KNTC1: variants seen among roughly 807,000 people sequenced by gnomAD.
KNTC1 encodes the protein kinetochore associated 1.
Under a neutral mutation model 314.4 loss-of-function variants are expected in KNTC1, and 253 were observed. That is an observed-to-expected ratio of 0.80 (90% confidence interval 0.73 to 0.89). KNTC1 has a LOEUF of 0.89. Among genes scored for constraint, KNTC1 ranks in the 40% least tolerant of loss-of-function variants. The pLI, the probability that KNTC1 is intolerant of heterozygous loss-of-function variation, is 0.00. For missense variants in KNTC1, 2,475 were observed against 2,572.9 expected (o/e 0.96, Z 0.82); for synonymous variants, 901 against 901.4 (o/e 1.00, Z 0.01).
At chr12:122,593,185 GT>G (rs1194742846) in intron 42 of KNTC1, 1 of 183,772 alleles carries the variant, frequency 5.4e-6, no homozygotes, top group Non-Finnish European at 1.1e-5. Context: ...CATTCTTGAA[GT>G]CAGTGAGACC....
At chr12:122,606,904 A>G (rs1282868932) in intron 51 of KNTC1, among the ~76,000 whole-genome samples, 1 of 152,168 alleles carries the variant, frequency 6.6e-6, no homozygotes. Context: ...CCATAATATA[A>G]TTATCAAAAT....
At chr12:122,594,674 G>A (rs1055266378) in intron 43 of KNTC1, among the ~76,000 whole-genome samples, 3 of 152,178 alleles carry the variant, frequency 2.0e-5, no homozygotes, top group Non-Finnish European at 2.9e-5. Context: ...CAGTGGGTCT[G>A]GACCAAGGCC....
intron 42 of KNTC1, 193 bp from the exon 43 acceptor site, chr12:122,594,080 AGAG>A: frequency 1.8e-6 from 1 of 543,742 alleles, no homozygotes; most frequent in East Asian, 3.0e-5. Context: ...AGGATGACTA[AGAG>A]GAGTTTCGGA....
chr12:122,590,682 G>GA lies in KNTC1; in HGVS notation c.4079dup (p.Asn1360LysfsTer8). The GA allele has an allele frequency of 6.2e-7, 1 of 1,613,652 alleles. No individual in the cohort carries two copies. Among genetic ancestry groups the GA allele is most frequent in the Non-Finnish European group, 8.5e-7 (1 of 1,179,726 alleles). ...TCTCTTACCTCAAAAAGATGTGTTT[G>GA]AAAATCTCTGGAAGCTCATAGATAA... is the stretch of plus-strand genomic sequence containing the variant. On this transcript the variant is annotated frameshift_variant, in exon 41 of 64. Transcript: ENST00000333479.
intron 20 of KNTC1, among the ~76,000 whole-genome samples, chr12:122,563,980 T>G (rs1273474101): frequency 6.6e-6 from 1 of 152,160 alleles, no homozygotes; most frequent in African/African-American, 2.4e-5. Context: ...GGTTCAATGT[T>G]TTTTATATAT....
chr12:122,540,799 A>T (rs550695997), intron 5 of KNTC1, among the ~76,000 whole-genome samples: 3 of 152,202 alleles, frequency 2.0e-5, no homozygotes, highest in Non-Finnish European at 4.4e-5. Context: ...GAAGTTAACA[A>T]TGTTTTTGCA....
At chr12:122,577,840 A>G (rs772560671) in intron 31 of KNTC1, 49 bp downstream of exon 31, 3 of 1,515,682 alleles carry the variant, frequency 2.0e-6, no homozygotes, top group Admixed American at 1.8e-5. Context: ...TTTTATGGCT[A>G]TTAATCAATA....
chr12:122,554,025 TA>T (rs1370854701), intron 16 of KNTC1, among the ~76,000 whole-genome samples: 4 of 145,758 alleles, frequency 2.7e-5, no homozygotes, highest in African/African-American at 1.0e-4. Context: ...GTGCTTGTTT[TA>T]AAAAATATAA....
chr12:122,566,566 C>T (rs903052044), intron 20 of KNTC1, among the ~76,000 whole-genome samples: 3 of 151,816 alleles, frequency 2.0e-5, no homozygotes, highest in Non-Finnish European at 4.4e-5. Flanking sequence ...TGCAACACTA[C>T]GTCTGGCTAA....
At chr12:122,609,587 G>C (rs573880686) in intron 52 of KNTC1, among the ~76,000 whole-genome samples, 157 bp downstream of exon 52, 1 of 152,078 alleles carries the variant, frequency 6.6e-6, no homozygotes, top group South Asian at 2.1e-4. Flanking sequence ...GTGGCTAGGA[G>C]TCTGCAGTGG....
rs527238190 is a variant in KNTC1 at position 122,557,558 on chromosome 12, C to T, written c.1399-42C>T. On this transcript the variant is annotated intron_variant, in intron 17 of 63. Coordinates refer to ENST00000333479, the MANE Select transcript of KNTC1 (RefSeq NM_014708.6). ...ACAGTATTTAGATTGACGTGTTGAT[C>T]AACATTAGGTTGCCTTACTGTGTCT... The T allele has an allele frequency of 2.4e-5, 39 of 1,611,042 alleles. No individual in the cohort carries two copies. The East Asian group carries it at 8.5e-4, about 35-fold the overall frequency.
intron 60 of KNTC1, 135 bp downstream of exon 60, chr12:122,620,743 T>C (rs1233213417): frequency 2.2e-6 from 2 of 905,864 alleles, no homozygotes; most frequent in Admixed American, 5.6e-5. Context: ...GAAGCTTGTA[T>C]GGGGGCTTAG....
chr12:122,613,875 C>T (rs1176173441), intron 55 of KNTC1, 114 bp downstream of exon 55: 14 of 1,133,304 alleles, frequency 1.2e-5, no homozygotes, highest in African/African-American at 1.6e-5. Flanking sequence ...GAGTTTTGCT[C>T]TGTTGCCCAG....
rs559094438 is a variant in KNTC1, at chr12:122,549,886, A to T, written c.1086+22A>T. The T allele has an allele frequency of 2.5e-5, 34 of 1,333,750 alleles. No homozygotes were observed. The South Asian group carries it at 4.3e-4, about 17-fold the overall frequency. 82.6% of individuals were successfully genotyped at this position (1,333,750 alleles called of 1,614,324 possible). Reference sequence around the variant, plus strand: ...CACAGTAAGTTTATTTGCATTTTAAAGTATTCTTTTAACTACTTTTTTCTT... The same window carrying T: ...CACAGTAAGTTTATTTGCATTTTAATGTATTCTTTTAACTACTTTTTTCTT... On this transcript the variant is annotated intron_variant, in intron 13 of 63. Coordinates refer to ENST00000333479, the MANE Select transcript of KNTC1 (RefSeq NM_014708.6).
chr12:122,571,132 A>C lies in KNTC1; in HGVS notation c.2019+6A>C. ...CCTGGCATTGGATTTCCTTGGTATG[A>C]TGTGAGAATGGATTTTTAGTAATGA... On this transcript the variant is annotated splice_donor_region_variant and intron_variant, in intron 24 of 63. Transcript: ENST00000333479. 1 of 1,599,058 alleles carries C rather than the reference A, an allele frequency of 6.3e-7. No individual in the cohort carries two copies. Among genetic ancestry groups the C allele is most frequent in the Non-Finnish European group, 8.6e-7 (1 of 1,166,698 alleles).
At chr12:122,547,804 G>A (rs1207162867) in intron 11 of KNTC1, 111 bp from the exon 12 acceptor site, 2 of 646,242 alleles carry the variant, frequency 3.1e-6, no homozygotes, top group African/African-American at 3.7e-5. Context: ...TGTTACTTTA[G>A]TTTATATCTT....
chr12:122,570,990 A>ACAT, intron 23 of KNTC1, 35 bp from the exon 24 acceptor site: 1 of 1,603,696 alleles, frequency 6.2e-7, no homozygotes, highest in East Asian at 2.2e-5. Flanking sequence ...ACAGCATAAA[A>ACAT]CATTGTTTTG....
At chr12:122,617,052 T>C (rs763110795) in intron 57 of KNTC1, among the ~76,000 whole-genome samples, 21 of 152,226 alleles carry the variant, frequency 1.4e-4, no homozygotes, top group Admixed American at 3.3e-4. Flanking sequence ...CAGAACTTCA[T>C]TCGTCTTTAT....
Position 122,610,837 on chromosome 12 carries a change from C to T in KNTC1, c.5559C>T (p.Leu1853=), listed in dbSNP as rs1873036620. ...DEALRRVQYL[L]LSRPIDYSSR... is the part of the protein sequence containing the mutation. ...TTTTTTCCAGAGTGCAGTATCTCCT[C>T]CTGTCTCGTCCAATTGATTATAGTT... Residue 1853 remains leucine, a synonymous_variant, in exon 53 of 64, where the codon CTC becomes CTT. Coordinates refer to ENST00000333479, the MANE Select transcript of KNTC1 (RefSeq NM_014708.6). 1 of 1,612,510 alleles carries T rather than the reference C, an allele frequency of 6.2e-7. No individual in the cohort carries two copies. Among genetic ancestry groups the T allele is most frequent in the Non-Finnish European group, 8.5e-7 (1 of 1,178,838 alleles).
Sources: gnomAD v4.1 joint callset for allele counts (sites outside exome capture counted in the v4.1 genomes callset) on GRCh38, gnomAD v4.1.1 for gene constraint, MANE v1.5 for transcripts, NCBI Gene and HGNC (gene_info 2026-07-23, HGNC 2026-07-21) for gene names.